Variants in ZC3H15 observed in about 807,000 individuals in gnomAD.
ZC3H15 encodes zinc finger CCCH-type containing 15.
A neutral mutation model predicts 51.2 loss-of-function variants in ZC3H15; 15 were observed. The ratio of observed to expected loss-of-function variants is 0.29; its 90% CI spans 0.20 to 0.45. The LOEUF is 0.45. Ranked by LOEUF, ZC3H15 falls within the 20% of genes least tolerant of loss-of-function variation. The pLI is 1.00. For synonymous variants in ZC3H15, 144 were observed against 162.8 expected, an observed-to-expected ratio of 0.88 and a Z score of 0.88; for missense variants, 381 against 494.7, an observed-to-expected ratio of 0.77 and a Z score of 2.18.
chr2:186,498,676 A>G (rs1328377143), intron 2 of ZC3H15, among the ~76,000 whole-genome samples: 1 of 152,034 alleles, frequency 6.6e-6, no homozygotes, highest in Non-Finnish European at 1.5e-5. Context: ...TTTCTTGAAC[A>G]CATTTTGTCC....
At chr2:186,486,553 C>A in intron 1 of ZC3H15, 96 bp downstream of exon 1, 2 of 1,347,026 alleles carry the variant, frequency 1.5e-6, no homozygotes, top group Non-Finnish European at 2.0e-6. Flanking sequence ...CTTCCTCGGG[C>A]CACGTGTTCC....
rs1306698708 is a variant in ZC3H15, at chr2:186,509,008, G to GT, written c.*276dup. ...GTAACTGTCCACCCAAGTAAGAAGT[G>GT]TATCTGCCTTTCCATCTTTTGGTTT... On this transcript the variant is annotated 3_prime_UTR_variant, in exon 10 of 10. Transcript: ENST00000337859. 7.3e-6 allele frequency: 4 copies of GT among 544,550 alleles called. No homozygotes were observed. Among genetic ancestry groups the GT allele is most frequent in the African/African-American group, 1.9e-5 (1 of 53,460 alleles). The allele number at this position is 544,550 out of a possible 1,614,324, so 33.7% of individuals were successfully genotyped here.
At chr2:186,501,716 C>CT (rs35795138) in intron 4 of ZC3H15, among the ~76,000 whole-genome samples, 40,186 of 146,226 alleles carry the variant, frequency 0.27, 5,633 homozygotes, top group Non-Finnish European at 0.31. Context: ...GAATAATTTT[C>CT]TTTTTTTTTT....
In ZC3H15 at chr2:186,504,214, G is replaced by A; in HGVS notation, c.717G>A (p.Glu239=). ...EISLEDLIER[E]RSALGPNVTK... ...CATTAGAAGATCTAATTGAGAGAGA[G>A]GTAACTGGTATCCTTTTCCTACCAT... Residue 239 remains glutamate, a splice_region_variant and synonymous_variant, in exon 6 of 10, where the codon GAG becomes GAA. Transcript: ENST00000337859. The A allele has an allele frequency of 7.8e-6, 12 of 1,531,714 alleles. No individual in the cohort carries two copies. The highest frequency in any genetic ancestry group is 7.7e-5 in the South Asian group (6 of 78,336). 94.9% of individuals were successfully genotyped at this position (1,531,714 alleles called of 1,614,324 possible). A position where few individuals can be genotyped will look rare whatever the true frequency, so the allele number is the denominator to read the frequency against.
At chr2:186,502,887 C>G (rs1477119457) in intron 5 of ZC3H15, among the ~76,000 whole-genome samples, 1 of 152,086 alleles carries the variant, frequency 6.6e-6, no homozygotes, top group Non-Finnish European at 1.5e-5. Context: ...ACAAAAATCC[C>G]TATTTTTTTG....
At chr2:186,487,497 T>C (rs1358493803) in intron 1 of ZC3H15, 1 of 152,222 alleles carries the variant, frequency 6.6e-6, no homozygotes, top group Non-Finnish European at 1.5e-5. Flanking sequence ...TTTAAGAAAA[T>C]GCTTAAGAAT....
chr2:186,500,121 T>C (rs1685355555), intron 2 of ZC3H15, 61 bp from the exon 3 acceptor site: 1 of 1,445,038 alleles, frequency 6.9e-7, no homozygotes, highest in African/African-American at 1.4e-5. Flanking sequence ...AATGCTAACT[T>C]TGTAGTAAAA....
chr2:186,496,864 A>G (rs1685290541), intron 2 of ZC3H15, among the ~76,000 whole-genome samples: 1 of 152,256 alleles, frequency 6.6e-6, no homozygotes, highest in Non-Finnish European at 1.5e-5. Context: ...TTACAGGATT[A>G]CTGTCATATG....
At chr2:186,492,333 T>G (rs1017155380) in intron 1 of ZC3H15, among the ~76,000 whole-genome samples, 3 of 152,232 alleles carry the variant, frequency 2.0e-5, no homozygotes, top group African/African-American at 7.2e-5. Context: ...CCATCTTTCT[T>G]CAAATTGAAT....
At chr2:186,503,273 T>G (rs1354700275) in intron 5 of ZC3H15, among the ~76,000 whole-genome samples, 4 of 152,260 alleles carry the variant, frequency 2.6e-5, no homozygotes, top group Non-Finnish European at 5.9e-5. Flanking sequence ...CTATCCATGT[T>G]GTGAAGGGTC....
chr2:186,499,800 T>C, intron 2 of ZC3H15: 1 of 338,636 alleles, frequency 3.0e-6, no homozygotes, highest in Non-Finnish European at 5.7e-6. Context: ...TATAATTCAT[T>C]ATCATGTGGG....
intron 3 of ZC3H15, 107 bp downstream of exon 3, chr2:186,500,400 A>G: frequency 1.0e-6 from 1 of 981,032 alleles, no homozygotes; most frequent in Non-Finnish European, 1.5e-6. Flanking sequence ...GTTATGTCTG[A>G]ATGAAAATGT....
chr2:186,504,308 AGG>A, intron 6 of ZC3H15, 94 bp downstream of exon 6: 1 of 1,140,086 alleles, frequency 8.8e-7, no homozygotes, highest in Non-Finnish European at 1.2e-6. Context: ...CTTTTATGAA[AGG>A]AAAAAAAAAA....
intron 4 of ZC3H15, 23 bp downstream of exon 4, chr2:186,501,448 C>T (rs962243795): frequency 1.3e-6 from 2 of 1,592,702 alleles, no homozygotes; most frequent in East Asian, 2.2e-5. Context: ...AAAACACTCT[C>T]TTAAAAATAA....
chr2:186,505,920 C>T (rs1209686722), intron 8 of ZC3H15, 79 bp downstream of exon 8: 1 of 1,442,484 alleles, frequency 6.9e-7, no homozygotes, highest in Admixed American at 1.9e-5. Context: ...GGTTAAGAGC[C>T]ACCAACATCA....
At chr2:186,494,389 G>C (rs763013434) in intron 1 of ZC3H15, among the ~76,000 whole-genome samples, 9 of 152,146 alleles carry the variant, frequency 5.9e-5, no homozygotes, top group Non-Finnish European at 1.0e-4. Context: ...AGAACTGAAT[G>C]TATCTTCCTC....
chr2:186,497,005 A>C (rs995703742), intron 2 of ZC3H15: 7 of 334,222 alleles, frequency 2.1e-5, no homozygotes, highest in Non-Finnish European at 4.0e-5. Flanking sequence ...TTATTCTTTC[A>C]TACGAATTTT....
chr2:186,502,271 G>A (rs1413271633), intron 4 of ZC3H15, among the ~76,000 whole-genome samples: 2 of 151,920 alleles, frequency 1.3e-5, no homozygotes, highest in African/African-American at 2.4e-5. Context: ...GGAATTGATC[G>A]AGCTCAGTCA....
chr2:186,491,600 C>G (rs569165320), intron 1 of ZC3H15, among the ~76,000 whole-genome samples: 273 of 152,212 alleles, frequency 1.8e-3, no homozygotes, highest in Non-Finnish European at 3.0e-3. Flanking sequence ...GAAACTGTGG[C>G]AAAGAGGGTA....
Sources: allele counts gnomAD v4.1 joint callset (sites outside exome capture counted in the v4.1 genomes callset), GRCh38; gene constraint gnomAD v4.1.1; transcripts MANE v1.5; gene names NCBI Gene and HGNC (gene_info 2026-07-23, HGNC 2026-07-21).